TASP1: variants seen among roughly 807,000 people sequenced by gnomAD.
TASP1 encodes threonine aspartase 1.
Under a neutral mutation model 56.6 loss-of-function variants are expected in TASP1, and 16 were observed. The ratio of observed to expected loss-of-function variants is 0.28; its 90% confidence interval spans 0.19 to 0.43. The LOEUF is 0.43. TASP1 is among the 20% of genes least tolerant of loss of function. The pLI is 1.00. For synonymous variants in TASP1, 179 were observed against 184.2 expected, an observed-to-expected ratio of 0.97 and a Z score of 0.23; for missense variants, 393 against 511.6, an observed-to-expected ratio of 0.77 and a Z score of 2.24.
the TASP1 span, among the ~76,000 whole-genome samples, chr20:13,240,974 T>C: frequency 2.0e-5 from 3 of 152,146 alleles, no homozygotes; most frequent in East Asian, 5.8e-4. Flanking sequence ...GGCTGTGAAG[T>C]GGACAGGGAG....
intron 8 of TASP1, among the ~76,000 whole-genome samples, chr20:13,550,801 C>G (rs1378017068): frequency 6.6e-6 from 1 of 152,058 alleles, no homozygotes; most frequent in Non-Finnish European, 1.5e-5. Flanking sequence ...TGCATTCACT[C>G]AGTTTGTTTT....
At chr20:13,176,079 A>G in the TASP1 span, among the ~76,000 whole-genome samples, 14 of 152,240 alleles carry the variant, frequency 9.2e-5, no homozygotes, top group African/African-American at 3.4e-4. Context: ...TCACCTTAAG[A>G]GAAAATTAGT....
chr20:13,335,910 C>G, the TASP1 span, among the ~76,000 whole-genome samples: 1 of 151,876 alleles, frequency 6.6e-6, no homozygotes, highest in Non-Finnish European at 1.5e-5. Context: ...AGAAAATTGT[C>G]AAAGAACTCA....
intron 7 of TASP1, among the ~76,000 whole-genome samples, chr20:13,562,174 T>C (rs1012609375): frequency 6.6e-5 from 10 of 151,906 alleles, no homozygotes; most frequent in African/African-American, 2.4e-4. Flanking sequence ...AAAACTAAAA[T>C]ACAGAAAGAA....
chr20:13,473,281 G>C (rs1410617643), intron 11 of TASP1, among the ~76,000 whole-genome samples: 2 of 147,644 alleles, frequency 1.4e-5, no homozygotes, highest in Non-Finnish European at 3.0e-5. Flanking sequence ...GGTGGGAACT[G>C]AACAATGAGA....
chr20:13,616,870 G>C, intron 4 of TASP1: 1 of 321,064 alleles, frequency 3.1e-6, no homozygotes. Context: ...TACTGTCCCA[G>C]GCTAAATGGG....
chr20:13,154,753 G>A, the TASP1 span, among the ~76,000 whole-genome samples: 2 of 152,202 alleles, frequency 1.3e-5, no homozygotes, highest in African/African-American at 4.8e-5. Context: ...TTGCAACTTT[G>A]AAACAGCATT....
the TASP1 span, among the ~76,000 whole-genome samples, chr20:13,241,078 C>T: frequency 6.6e-6 from 1 of 152,060 alleles, no homozygotes; most frequent in Non-Finnish European, 1.5e-5. Flanking sequence ...GGAGAGAGGA[C>T]TTCTATCGAA....
the TASP1 span, chr20:13,299,355 A>C: frequency 6.2e-7 from 1 of 1,613,786 alleles, no homozygotes; most frequent in Non-Finnish European, 8.5e-7. This position sits in a 1 kb window ranked among gnomAD's most constrained non-coding sequence, Gnocchi z 5.8. Flanking sequence ...GGGTGACTGG[A>C]GCAGGTATAA....
the TASP1 span, among the ~76,000 whole-genome samples, chr20:13,224,845 T>TG: frequency 7.1e-6 from 1 of 140,072 alleles, no homozygotes; most frequent in African/African-American, 2.7e-5. Context: ...TTCTTTCTTT[T>TG]TTTTTTTTTT....
intron 8 of TASP1, among the ~76,000 whole-genome samples, chr20:13,556,912 C>T (rs1181051218): frequency 6.6e-6 from 1 of 152,178 alleles, no homozygotes; most frequent in Admixed American, 6.5e-5. Context: ...ATAACAGTTA[C>T]AAGAATAACT....
chr20:13,139,581 C>G, the TASP1 span, among the ~76,000 whole-genome samples: 3 of 152,158 alleles, frequency 2.0e-5, no homozygotes, highest in Non-Finnish European at 4.4e-5. Context: ...AGGGCCATGG[C>G]TGGAAAGGCA....
chr20:13,298,873 G>T, the TASP1 span: 3 of 1,518,996 alleles, frequency 2.0e-6, no homozygotes, highest in Non-Finnish European at 1.8e-6. Flanking sequence ...GGTGTCACAT[G>T]CTCCTTGAAG....
chr20:13,140,652 A>G, the TASP1 span, among the ~76,000 whole-genome samples: 14 of 152,176 alleles, frequency 9.2e-5, no homozygotes, highest in African/African-American at 3.4e-4. Context: ...GATTAAAAAA[A>G]CAGCTCTAAA....
the TASP1 span, among the ~76,000 whole-genome samples, chr20:13,361,643 C>T: frequency 7.2e-6 from 1 of 138,750 alleles, no homozygotes; most frequent in East Asian, 2.0e-4. Context: ...ACCAGACCAA[C>T]TTGGACTGTG....
the TASP1 span, among the ~76,000 whole-genome samples, chr20:13,338,175 A>C: frequency 6.6e-6 from 1 of 152,160 alleles, no homozygotes; most frequent in African/African-American, 2.4e-5. Flanking sequence ...ATTATTTGTG[A>C]GTTTTCTGAG....
At chr20:13,553,245 A>T (rs2046041284) in intron 8 of TASP1, among the ~76,000 whole-genome samples, 1 of 152,132 alleles carries the variant, frequency 6.6e-6, no homozygotes, top group South Asian at 2.1e-4. Flanking sequence ...GTACTCCACC[A>T]AGAGTTTTTA....
chr20:13,126,078 T>C, the TASP1 span, among the ~76,000 whole-genome samples: 17,048 of 152,258 alleles, frequency 0.11, 1,076 homozygotes, highest in East Asian at 0.2. Flanking sequence ...TATCTCCTCA[T>C]TGGAACCTTC....
chr20:13,241,282 G>C, the TASP1 span, among the ~76,000 whole-genome samples: 1 of 152,106 alleles, frequency 6.6e-6, no homozygotes, highest in African/African-American at 2.4e-5. Context: ...ATACAAATAA[G>C]TCTTGCAAAA....
Sources: gnomAD v4.1 joint callset for allele counts (sites outside exome capture counted in the v4.1 genomes callset) on GRCh38, gnomAD v4.1.1 for gene constraint, Gnocchi (gnomAD v3.1) non-coding constraint, MANE v1.5 for transcripts, NCBI Gene and HGNC (gene_info 2026-07-23, HGNC 2026-07-21) for gene names.